Variants in WDFY4 observed in about 807,000 individuals in gnomAD.
WDFY4 encodes WDFY family member 4.
In WDFY4, 169 loss-of-function variants were observed where a neutral mutation model predicts 351.9. The observed-to-expected ratio is 0.48, with a 90% CI of 0.42 to 0.55. The LOEUF is 0.55. WDFY4 is among the 20% of genes least tolerant of loss of function. The pLI is 0.00. For synonymous variants in WDFY4, 1,622 were observed against 1,574.6 expected (o/e 1.03, Z -0.71); for missense variants, 3,803 against 3,935.6 (o/e 0.97, Z 0.90).
At chr10:48,807,443 G>T (rs1051137285) in intron 27 of WDFY4, among the ~76,000 whole-genome samples, 1 of 152,166 alleles carries the variant, frequency 6.6e-6, no homozygotes, top group African/African-American at 2.4e-5. Context: ...AGCCTAGCCT[G>T]GGAGCAAGTT....
At chr10:48,963,601 G>C (rs990407031) in intron 53 of WDFY4, among the ~76,000 whole-genome samples, 5 of 152,150 alleles carry the variant, frequency 3.3e-5, no homozygotes, top group African/African-American at 9.7e-5. Context: ...TTATGACATG[G>C]TTGAGCTGGG....
chr10:48,872,923 A>G (rs193135982), intron 40 of WDFY4, among the ~76,000 whole-genome samples: 46 of 152,342 alleles, frequency 3.0e-4, no homozygotes, highest in African/African-American at 1.0e-3. Flanking sequence ...CTTAGACATC[A>G]TTCAGGCCAG....
chr10:48,908,665 C>G (rs1837757085), intron 47 of WDFY4, among the ~76,000 whole-genome samples: 1 of 151,938 alleles, frequency 6.6e-6, no homozygotes, highest in Non-Finnish European at 1.5e-5. Flanking sequence ...TATTGATTCA[C>G]AGTTGCAAAA....
At chr10:48,957,312 G>C in intron 52 of WDFY4, 30 bp downstream of exon 52, 2 of 1,543,696 alleles carry the variant, frequency 1.3e-6, no homozygotes, top group Non-Finnish European at 1.8e-6. Context: ...GGCCGGGTGA[G>C]TGGCGTTGCA....
intron 13 of WDFY4, among the ~76,000 whole-genome samples, chr10:48,769,345 T>C (rs1249332918): frequency 6.6e-6 from 1 of 152,164 alleles, no homozygotes; most frequent in African/African-American, 2.4e-5. Context: ...AAGAGAGACA[T>C]AATTCTAAGT....
Position 48,709,805 on chromosome 10 carries a change from G to T in WDFY4, c.73G>T (p.Ala25Ser). Residue 25 changes from alanine (A) to serine (S), a missense_variant, in exon 2 of 62, where the codon GCT becomes TCT. Ala to Ser is a moderately conservative substitution (Grantham distance 99). This residue lies in a region of WDFY4 where 488 missense variants were observed against 456.8 expected (regional missense o/e 1.07). Transcript: ENST00000325239. The stretch of plus-strand genomic sequence containing the variant: ...AGGTTCCAAAAATGAAGGGCAGCTT[G>T]CTGCTGTGCAGCCTGATGTCCCACA... ...DPGSKNEGQL[A>S]AVQPDVPHGG... 2 of 1,551,892 alleles carry T rather than the reference G, an allele frequency of 1.3e-6. No individual in the cohort carries two copies. The highest frequency in any genetic ancestry group is 1.7e-6 in the Non-Finnish European group (2 of 1,147,020).
At position 48,810,681 on chromosome 10, in the gene WDFY4, C is replaced by T. The variant is rs2067415495; in HGVS notation, c.4990C>T (p.Leu1664=). The T allele has an allele frequency of 6.4e-7, 1 of 1,551,338 alleles. No homozygotes were observed. The highest frequency in any genetic ancestry group is 8.7e-7 in the Non-Finnish European group (1 of 1,146,916). ...PSLRTRFRDG[L]CAGSWVERST... is the part of the protein sequence containing the mutation. ...CCTCCGCACACGGTTTAGAGATGGC[C>T]TGTGTGCAGGATCCTGGGTGGAACG... Residue 1664 remains leucine (L), a synonymous_variant, in exon 29 of 62, where the codon CTG becomes TTG. Coordinates refer to ENST00000325239, the MANE Select transcript of WDFY4 (RefSeq NM_001394531.1).
intron 11 of WDFY4, among the ~76,000 whole-genome samples, chr10:48,739,479 G>C (rs1016281322): frequency 6.6e-6 from 1 of 152,192 alleles, no homozygotes; most frequent in Non-Finnish European, 1.5e-5. Flanking sequence ...CCTCCTCCTA[G>C]ACTCCCCGTT....
intron 47 of WDFY4, among the ~76,000 whole-genome samples, chr10:48,933,085 G>C (rs1053433017): frequency 6.6e-6 from 1 of 152,142 alleles, no homozygotes; most frequent in African/African-American, 2.4e-5. Flanking sequence ...CAGGAGAAGA[G>C]GGGAGTCTGT....
chr10:48,854,166 G>A (rs540007579), intron 39 of WDFY4, among the ~76,000 whole-genome samples: 61 of 149,054 alleles, frequency 4.1e-4, no homozygotes, highest in African/African-American at 1.5e-3. Context: ...CTGGAGTACA[G>A]TGGTGCGATC....
chr10:48,949,469 T>A (rs897894722), intron 51 of WDFY4, among the ~76,000 whole-genome samples: 1 of 152,208 alleles, frequency 6.6e-6, no homozygotes, highest in African/African-American at 2.4e-5. Flanking sequence ...TTCTGGCATC[T>A]TCTTGAAGTC....
At chr10:48,789,533 G>T (rs1185665541) in intron 21 of WDFY4, among the ~76,000 whole-genome samples, 1 of 152,210 alleles carries the variant, frequency 6.6e-6, no homozygotes, top group African/African-American at 2.4e-5. Context: ...TGAGAAGGTG[G>T]CAGCCCTCAC....
chr10:48,932,910 C>T (rs1382947008), intron 47 of WDFY4, among the ~76,000 whole-genome samples: 1 of 152,044 alleles, frequency 6.6e-6, no homozygotes, highest in Admixed American at 6.6e-5. Flanking sequence ...AGGGTGTAAG[C>T]TGGAGGTCAA....
At chr10:48,850,733 C>T (rs892754235) in intron 39 of WDFY4, among the ~76,000 whole-genome samples, 2 of 152,206 alleles carry the variant, frequency 1.3e-5, no homozygotes, top group African/African-American at 2.4e-5. Context: ...GACACTGGCT[C>T]ATGGTGCAGC....
chr10:48,807,171 T>C (rs1291560076), intron 27 of WDFY4, among the ~76,000 whole-genome samples: 1 of 152,202 alleles, frequency 6.6e-6, no homozygotes, highest in Non-Finnish European at 1.5e-5. Flanking sequence ...TGGCGTGGTG[T>C]ATGCCCTGTA....
At chr10:48,921,006 T>G (rs1839025906) in intron 47 of WDFY4, among the ~76,000 whole-genome samples, 1 of 152,130 alleles carries the variant, frequency 6.6e-6, no homozygotes, top group South Asian at 2.1e-4. Flanking sequence ...GCAAAGAAGA[T>G]CTAAATAAAT....
intron 10 of WDFY4, among the ~76,000 whole-genome samples, chr10:48,734,372 G>A (rs7095791): frequency 0.56 from 84,488 of 151,324 alleles, 23,693 homozygotes; most frequent in East Asian, 0.64. Flanking sequence ...GATCCAAAGA[G>A]TAACATACGG....
intron 19 of WDFY4, among the ~76,000 whole-genome samples, chr10:48,781,534 G>A (rs138911684): frequency 7.9e-5 from 12 of 152,222 alleles, no homozygotes; most frequent in African/African-American, 1.2e-4. Context: ...GACCTCAGGC[G>A]ATCCACCTGC....
intron 39 of WDFY4, among the ~76,000 whole-genome samples, chr10:48,864,052 G>A (rs1196484868): frequency 6.6e-6 from 1 of 152,090 alleles, no homozygotes; most frequent in Non-Finnish European, 1.5e-5. Flanking sequence ...GGGATTTGGG[G>A]GATTGCAATT....
Sources: allele counts gnomAD v4.1 joint callset (sites outside exome capture counted in the v4.1 genomes callset), GRCh38; gene constraint gnomAD v4.1.1; regional missense constraint gnomAD v4.1.1; transcripts MANE v1.5; gene names NCBI Gene and HGNC (gene_info 2026-07-23, HGNC 2026-07-21).